LRP1B: variants seen among roughly 807,000 people sequenced by gnomAD.
LRP1B encodes the protein LDL receptor related protein 1B.
Under a neutral mutation model 556.6 loss-of-function variants are expected in LRP1B, and 217 were observed. The observed-to-expected ratio is 0.39, with a 90% CI of 0.35 to 0.44. The LOEUF (loss-of-function observed/expected upper bound fraction) is 0.44, where lower values mean the gene tolerates loss of function less well. Ranked by LOEUF, LRP1B falls within the 20% of genes least tolerant of loss-of-function variation. The probability of loss-of-function intolerance (pLI) is 1.00; values close to 1 mark genes in which losing one functional copy is unlikely to be tolerated. For synonymous variants in LRP1B, 2,047 were observed against 1,865.8 expected (o/e 1.10, Z -2.50); for missense variants, 5,053 against 5,620.8 (o/e 0.90, Z 3.23).
At chr2:142,010,487 G>A (rs1169588982) in intron 1 of LRP1B, among the ~76,000 whole-genome samples, 1 of 148,512 alleles carries the variant, frequency 6.7e-6, no homozygotes, top group African/African-American at 2.5e-5. Flanking sequence ...CCCGGGAGGC[G>A]GAGCTTGCAG....
At chr2:140,856,904 C>T (rs965197797) in intron 27 of LRP1B, among the ~76,000 whole-genome samples, 1 of 152,114 alleles carries the variant, frequency 6.6e-6, no homozygotes, top group Non-Finnish European at 1.5e-5. Flanking sequence ...ATCTAAAAAT[C>T]TAGAAAGTTA....
intron 2 of LRP1B, among the ~76,000 whole-genome samples, chr2:141,574,127 G>A (rs1686641794): frequency 6.6e-6 from 1 of 152,040 alleles, no homozygotes; most frequent in South Asian, 2.1e-4. Context: ...CCAAAACCAG[G>A]AAGAGACACA....
At chr2:141,738,764 A>T (rs1693588103) in intron 2 of LRP1B, among the ~76,000 whole-genome samples, 1 of 152,170 alleles carries the variant, frequency 6.6e-6, no homozygotes, top group African/African-American at 2.4e-5. Flanking sequence ...AAATGGCTAC[A>T]GCTGTAAAGA....
chr2:141,472,174 A>G (rs1179175770), intron 3 of LRP1B, among the ~76,000 whole-genome samples: 1 of 152,216 alleles, frequency 6.6e-6, no homozygotes, highest in Non-Finnish European at 1.5e-5. Context: ...TATTTCTTCT[A>G]CTACAGATAC....
intron 21 of LRP1B, among the ~76,000 whole-genome samples, chr2:140,908,386 ATAT>A (rs1559187993): frequency 8.9e-5 from 13 of 146,654 alleles, no homozygotes; most frequent in Non-Finnish European, 1.5e-4. Context: ...ATATATATAT[ATAT>A]ATAAAAAGAA....
chr2:141,003,797 T>C (rs1697492549), intron 15 of LRP1B, among the ~76,000 whole-genome samples: 1 of 152,088 alleles, frequency 6.6e-6, no homozygotes, highest in African/African-American at 2.4e-5. Context: ...TTGTAAAGAC[T>C]AATACAAATC....
intron 1 of LRP1B, among the ~76,000 whole-genome samples, chr2:141,915,335 T>G (rs7571701): frequency 6.6e-6 from 1 of 151,854 alleles, no homozygotes; most frequent in Admixed American, 6.5e-5. Context: ...TATACAACAA[T>G]ACAGCATACA....
chr2:140,428,158 C>T (rs570250443), intron 66 of LRP1B, among the ~76,000 whole-genome samples: 65 of 152,240 alleles, frequency 4.3e-4, no homozygotes, highest in Middle Eastern at 6.8e-3. Flanking sequence ...TTTTATTACC[C>T]AATCCCAACA....
intron 43 of LRP1B, among the ~76,000 whole-genome samples, chr2:140,573,474 A>G (rs1681405863): frequency 6.6e-6 from 1 of 151,930 alleles, no homozygotes; most frequent in South Asian, 2.1e-4. Flanking sequence ...AAAAACAAGA[A>G]TAACTAATCA....
Position 141,951,656 on chromosome 2 carries a change from T to G in LRP1B, c.83-141255A>C, listed in dbSNP as rs371899749. ...ACATTGGGATAGTTACCATCACAAC[T>G]TTCAAGTAAGAAAAAGAAAGCTAAC... is the stretch of plus-strand genomic sequence containing the variant. On this transcript the variant is annotated intron_variant, in intron 1 of 90. Transcript: ENST00000389484. Among the ~76,000 whole-genome samples the G allele has an allele frequency of 2.6e-5, 4 of 152,148 alleles. No individual in the cohort carries two copies. The East Asian group carries it at 5.8e-4, about 22-fold the overall frequency.
intron 43 of LRP1B, among the ~76,000 whole-genome samples, chr2:140,556,748 A>AT (rs1292676437): frequency 4.0e-5 from 6 of 151,578 alleles, no homozygotes; most frequent in East Asian, 3.9e-4. Context: ...AAAAAAAACA[A>AT]TTTTTTTTCA....
chr2:140,350,443 T>C, intron 77 of LRP1B, among the ~76,000 whole-genome samples: 1 of 152,116 alleles, frequency 6.6e-6, no homozygotes, highest in East Asian at 1.9e-4. Context: ...TACTTTCTAA[T>C]GTAAAAATAA....
chr2:140,884,124 T>C (rs943923809), intron 24 of LRP1B, 103 bp from the exon 25 acceptor site: 50 of 1,061,442 alleles, frequency 4.7e-5, no homozygotes, highest in Non-Finnish European at 6.3e-5. Context: ...ATTATTTCAA[T>C]GTGATTTCAA....
chr2:141,559,781 G>T lies in LRP1B; in HGVS notation c.206-79248C>A, dbSNP rs137876988. On this transcript the variant is annotated intron_variant, in intron 2 of 90. Transcript: ENST00000389484. Reference sequence around the variant, plus strand: ...GGCCTAAACTGCATTCTAGAAATCTGTGATAAATTCATTTGAAAAATACAT... The same window carrying T: ...GGCCTAAACTGCATTCTAGAAATCTTTGATAAATTCATTTGAAAAATACAT... Among the ~76,000 whole-genome samples, 704 of 151,684 alleles carry T rather than the reference G, an allele frequency of 4.6e-3. 3 individuals carry two copies. Among genetic ancestry groups the T allele is most frequent in the African/African-American group, 0.016 (671 of 41,466 alleles).
rs939107136 is a variant in LRP1B at position 140,424,734 on chromosome 2, A to C, written c.10414+17770T>G. Among the ~76,000 whole-genome samples, 7 of 152,214 alleles carry C rather than the reference A, an allele frequency of 4.6e-5. 1 individual carries two copies. The highest frequency in any genetic ancestry group is 4.1e-4 in the South Asian group (2 of 4,838). ...CTGTGGATCACACAATACACCAGAT[A>C]GTTCAAACAGTGCGTGAACATGCTG... On this transcript the variant is annotated intron_variant, in intron 66 of 90. Coordinates refer to ENST00000389484, the MANE Select transcript of LRP1B (RefSeq NM_018557.3).
chr2:140,733,640 T>C (rs180941987), intron 35 of LRP1B, among the ~76,000 whole-genome samples: 14 of 152,276 alleles, frequency 9.2e-5, no homozygotes, highest in Admixed American at 4.6e-4. Context: ...ATTCCATTTA[T>C]ATAAAACTGT....
chr2:140,750,468 G>A (rs543392796), intron 35 of LRP1B, among the ~76,000 whole-genome samples: 47 of 152,172 alleles, frequency 3.1e-4, no homozygotes, highest in African/African-American at 1.1e-3. Context: ...ACATTTATAT[G>A]TGCAAACATA....
At position 141,062,171 on chromosome 2, in the gene LRP1B, T is replaced by G; in HGVS notation, c.1116A>C (p.Pro372=). Residue 372 remains proline (P), a synonymous_variant, in exon 8 of 91, where the codon CCA becomes CCC. Coordinates refer to ENST00000389484, the MANE Select transcript of LRP1B (RefSeq NM_018557.3). The part of the protein sequence containing the change: ...TRIIDSKTEQ[P]AALALDLVNK... ...TGACTAGGTCTAGTGCCAGTGCAGC[T>G]GGCTGCTCTGTCTTTGAATCAATTA... The G allele has an allele frequency of 6.2e-7, 1 of 1,611,918 alleles. No homozygotes were observed. Among genetic ancestry groups the G allele is most frequent in the Non-Finnish European group, 8.5e-7 (1 of 1,178,568 alleles).
Position 141,356,183 on chromosome 2 carries a change from T to A in LRP1B, c.344-101542A>T, listed in dbSNP as rs147210878. Among the ~76,000 whole-genome samples, 644 of 152,302 alleles carry A rather than the reference T, an allele frequency of 4.2e-3. 8 individuals are homozygous for A. Among genetic ancestry groups the A allele is most frequent in the African/African-American group, 0.014 (573 of 41,564 alleles). ...TGCTATCAAAGAGAGATACTTCTAT[T>A]TTCCAAAGACACCAATAGTAGCAGC... On this transcript the variant is annotated intron_variant, in intron 3 of 90. Coordinates refer to ENST00000389484, the MANE Select transcript of LRP1B (RefSeq NM_018557.3).
Sources: gnomAD v4.1 joint callset for allele counts (sites outside exome capture counted in the v4.1 genomes callset) on GRCh38, gnomAD v4.1.1 for gene constraint, MANE v1.5 for transcripts, NCBI Gene and HGNC (gene_info 2026-07-23, HGNC 2026-07-21) for gene names.